RYR3: variants seen among roughly 807,000 people sequenced by gnomAD.
The protein encoded by RYR3 is ryanodine receptor 3.
Under a neutral mutation model 584.3 loss-of-function variants are expected in RYR3, and 207 were observed. That is an observed-to-expected ratio of 0.35 (90% confidence interval 0.32 to 0.40). The LOEUF (loss-of-function observed/expected upper bound fraction) is 0.40. Among genes scored for constraint, RYR3 ranks in the 10% least tolerant of loss-of-function variants. The pLI is 1.00. For missense variants in RYR3, 5,616 were observed against 6,089.2 expected, an observed-to-expected ratio of 0.92 and a Z score of 2.59; for synonymous variants, 2,416 against 2,248.5, an observed-to-expected ratio of 1.07 and a Z score of -2.11.
intron 2 of RYR3, among the ~76,000 whole-genome samples, chr15:33,497,822 T>C (rs2142634819): frequency 6.6e-6 from 1 of 152,290 alleles, no homozygotes; most frequent in African/African-American, 2.4e-5. Flanking sequence ...AATTTATTAT[T>C]CCTGGCTAGC....
intron 67 of RYR3, 41 bp from the exon 68 acceptor site, chr15:33,800,729 T>G (rs767963099): frequency 1.4e-6 from 2 of 1,381,908 alleles, no homozygotes; most frequent in Admixed American, 3.4e-5. Flanking sequence ...TTTTAATCTC[T>G]ACTGAATTTC....
intron 16 of RYR3, among the ~76,000 whole-genome samples, chr15:33,588,066 A>G (rs2152527315): frequency 6.6e-6 from 1 of 152,378 alleles, no homozygotes; most frequent in South Asian, 2.1e-4. Flanking sequence ...GTCTTCCCAC[A>G]AGAGCAACAA....
At chr15:33,599,246 A>C (rs1249369395) in intron 16 of RYR3, among the ~76,000 whole-genome samples, 1 of 152,196 alleles carries the variant, frequency 6.6e-6, no homozygotes, top group Non-Finnish European at 1.5e-5. Context: ...ACCTCCACTC[A>C]GGATCCCCCC....
intron 1 of RYR3, among the ~76,000 whole-genome samples, chr15:33,350,685 A>C (rs965166095): frequency 6.6e-6 from 1 of 152,162 alleles, no homozygotes; most frequent in African/African-American, 2.4e-5. Flanking sequence ...AAATGAAGGC[A>C]GAAATAAAGA....
At chr15:33,576,625 A>G (rs1468388559) in intron 12 of RYR3, among the ~76,000 whole-genome samples, 4 of 152,238 alleles carry the variant, frequency 2.6e-5, no homozygotes, top group Admixed American at 2.0e-4. Context: ...TCAAAATAAT[A>G]AAAGCCATTT....
In RYR3 at chr15:33,822,985, C is replaced by T. The variant is rs767293505; in HGVS notation, c.10996-11C>T. 1.2e-6 allele frequency: 2 copies of T among 1,610,226 alleles called. No homozygotes were observed. The highest frequency in any genetic ancestry group is 1.1e-5 in the South Asian group (1 of 90,456). On this transcript the variant is annotated splice_polypyrimidine_tract_variant and intron_variant, in intron 80 of 103. Transcript: ENST00000634891. ...CATCGCTTTTCCCCTTACAACGTGT[C>T]TCCCTTGCAGAAAATGCTAGATTAC...
At chr15:33,370,211 G>A (rs75908835) in intron 1 of RYR3, among the ~76,000 whole-genome samples, 1 of 152,056 alleles carries the variant, frequency 6.6e-6, no homozygotes, top group East Asian at 1.9e-4. Flanking sequence ...GCACTGAGAT[G>A]CTTTCCAAAA....
intron 8 of RYR3, among the ~76,000 whole-genome samples, chr15:33,545,980 C>A (rs549834640): frequency 1.4e-4 from 22 of 152,152 alleles, no homozygotes; most frequent in Non-Finnish European, 2.9e-4. Flanking sequence ...TTGTCAAACA[C>A]CCTGGGATAA....
chr15:33,832,895 C>G (rs2077779917), intron 86 of RYR3, among the ~76,000 whole-genome samples: 1 of 151,450 alleles, frequency 6.6e-6, no homozygotes, highest in Non-Finnish European at 1.5e-5. Flanking sequence ...GTAATCCCAG[C>G]TACTCAAGAG....
In RYR3 at chr15:33,550,250, C is replaced by A. The variant is rs1239872552; in HGVS notation, c.906C>A (p.Gly302=). ...GHYLALTEDQ[G]LILQDRAKSD... Reference sequence around the variant, plus strand: ...ACCTGGCCTTGACAGAAGACCAAGGCCTTATACTGCAAGACCGGGCAAAGT... The same window carrying A: ...ACCTGGCCTTGACAGAAGACCAAGGACTTATACTGCAAGACCGGGCAAAGT... The change falls in exon 10 of 104, where the codon GGC becomes GGA. Residue 302 remains glycine (G), a synonymous_variant. Coordinates refer to ENST00000634891, the MANE Select transcript of RYR3 (RefSeq NM_001036.6). 6.2e-7 allele frequency: 1 copy of A among 1,613,738 alleles called. No homozygotes were observed. Among genetic ancestry groups the A allele is most frequent in the Admixed American group, 1.7e-5 (1 of 60,002 alleles).
At chr15:33,545,543 C>T (rs754591612) in intron 8 of RYR3, among the ~76,000 whole-genome samples, 21 of 151,970 alleles carry the variant, frequency 1.4e-4, no homozygotes, top group African/African-American at 4.4e-4. Context: ...TATAAGGAAG[C>T]GTGAAGGGTT....
intron 38 of RYR3, among the ~76,000 whole-genome samples, chr15:33,693,607 T>A (rs560015982): frequency 6.6e-6 from 1 of 152,372 alleles, no homozygotes; most frequent in African/African-American, 2.4e-5. Flanking sequence ...GCGTGGCAAG[T>A]TGCCAGGGGA....
intron 67 of RYR3, among the ~76,000 whole-genome samples, chr15:33,796,088 CA>C (rs1317246237): frequency 5.3e-5 from 8 of 152,126 alleles, no homozygotes; most frequent in Non-Finnish European, 8.8e-5. Flanking sequence ...CCTTTTCTTT[CA>C]AAACCTGATC....
chr15:33,820,599 C>A, intron 77 of RYR3, 157 bp from the exon 78 acceptor site: 1 of 599,302 alleles, frequency 1.7e-6, no homozygotes, highest in Non-Finnish European at 2.9e-6. Context: ...GAAATGTTGC[C>A]CAGCAGTGGC....
intron 84 of RYR3, 138 bp downstream of exon 84, chr15:33,826,890 T>A: frequency 1.4e-6 from 1 of 695,500 alleles, no homozygotes; most frequent in Admixed American, 2.5e-5. Context: ...AGAAACTATG[T>A]AAATATCATG....
At position 33,560,126 on chromosome 15, in the gene RYR3, G is replaced by A. The variant is rs180945195; in HGVS notation, c.973-2711G>A. Among the ~76,000 whole-genome samples the A allele has an allele frequency of 4.6e-5, 7 of 152,266 alleles. No homozygotes were observed. In the East Asian group the frequency reaches 1.4e-3, roughly 29 times the overall value. ...CATATTCAAGTAAAAACAGAAGGGA[G>A]CATTAGTTCATACTCAAGTCAAAAG... is the stretch of plus-strand genomic sequence containing the variant. On this transcript the variant is annotated intron_variant, in intron 10 of 103. Coordinates refer to ENST00000634891, the MANE Select transcript of RYR3 (RefSeq NM_001036.6).
At chr15:33,350,223 A>G (rs1186690465) in intron 1 of RYR3, among the ~76,000 whole-genome samples, 1 of 152,156 alleles carries the variant, frequency 6.6e-6, no homozygotes, top group Non-Finnish European at 1.5e-5. Flanking sequence ...TCCTAAATAT[A>G]TATGCACCCA....
chr15:33,836,706 G>C (rs1327939600), intron 87 of RYR3, among the ~76,000 whole-genome samples, 200 bp from the exon 88 acceptor site: 1 of 152,210 alleles, frequency 6.6e-6, no homozygotes, highest in East Asian at 1.9e-4. Flanking sequence ...AGCTTTGTTG[G>C]ATGAGTCCTG....
intron 1 of RYR3, among the ~76,000 whole-genome samples, chr15:33,349,977 C>G (rs1973025876): frequency 6.6e-6 from 1 of 151,776 alleles, no homozygotes; most frequent in African/African-American, 2.4e-5. Flanking sequence ...GCCACATTTT[C>G]TTAATCCAGT....
Sources: gnomAD v4.1 joint callset for allele counts (sites outside exome capture counted in the v4.1 genomes callset) on GRCh38, gnomAD v4.1.1 for gene constraint, MANE v1.5 for transcripts, NCBI Gene and HGNC (gene_info 2026-07-23, HGNC 2026-07-21) for gene names.